The following CPEB3 variants were observed in gnomAD, a reference collection of about 807,000 sequenced individuals.
CPEB3 encodes the protein cytoplasmic polyadenylation element-binding protein 3.
A neutral mutation model predicts 67.2 loss-of-function variants in CPEB3; 20 were observed. That is an observed-to-expected ratio of 0.30 (90% confidence interval 0.21 to 0.43). CPEB3 has a LOEUF of 0.43. CPEB3 is among the 20% of genes least tolerant of loss of function. CPEB3 has a pLI of 1.00. For missense variants in CPEB3, 746 were observed against 968.6 expected (o/e 0.77, Z 3.05); for synonymous variants, 376 against 393.1 (o/e 0.96, Z 0.51).
chr10:92,181,521 A>G (rs1848462301), intron 3 of CPEB3, among the ~76,000 whole-genome samples: 1 of 152,178 alleles, frequency 6.6e-6, no homozygotes, highest in Admixed American at 6.5e-5. Context: ...TAAAAGAGAC[A>G]GAATGGGGGA....
At chr10:92,057,519 G>A (rs1842158047) in intron 9 of CPEB3, among the ~76,000 whole-genome samples, 1 of 152,222 alleles carries the variant, frequency 6.6e-6, no homozygotes, top group Non-Finnish European at 1.5e-5. Context: ...GAGGCTTGGG[G>A]AATCTCGCTG....
In CPEB3 at chr10:92,239,539, G is replaced by A; in HGVS notation, c.812C>T (p.Ala271Val). Residue 271 changes from alanine (A) to valine (V), a missense_variant, in exon 2 of 10, where the codon GCG (alanine) becomes GTG (valine). Transcript: ENST00000265997. This position sits in a 1 kb window ranked among gnomAD's most constrained non-coding sequence, Gnocchi z 6.0. ...GLQAGRDPRR[A>V]VGVGVGVGVG... ...ACCCACACCCACGCCCACACCGACC[G>A]CCCGGCGAGGGTCCCGGCCCGCCTG... 6.4e-7 allele frequency: 1 copy of A among 1,558,610 alleles called. No individual in the cohort carries two copies. The highest frequency in any genetic ancestry group is 1.2e-5 in the South Asian group (1 of 85,054).
Position 92,280,948 on chromosome 10 carries a change from C to G in CPEB3, c.-12+9978G>C, listed in dbSNP as rs368648999. ...CTAATTTTTGCATTATTAGTAGAGA[C>G]AGGGTTTCACCATGTTGGTCAGACT... is the stretch of plus-strand genomic sequence containing the variant. On this transcript the variant is annotated intron_variant, in intron 1 of 9. Transcript: ENST00000265997. Among the ~76,000 whole-genome samples, 42 of 150,824 alleles carry G rather than the reference C, an allele frequency of 2.8e-4. 3 individuals carry two copies. The East Asian group carries it at 4.2e-3, about 15-fold the overall frequency.
chr10:92,134,991 T>C (rs1247776396), intron 6 of CPEB3, among the ~76,000 whole-genome samples: 2 of 152,158 alleles, frequency 1.3e-5, no homozygotes, highest in African/African-American at 4.8e-5. Context: ...ATCCCTTCCT[T>C]ACAACTTATA....
At chr10:92,264,673 G>A (rs868108184) in intron 1 of CPEB3, among the ~76,000 whole-genome samples, 2 of 146,874 alleles carry the variant, frequency 1.4e-5, no homozygotes, top group Non-Finnish European at 1.5e-5. Flanking sequence ...CCGAGATCAC[G>A]CCACTGCACT....
At chr10:92,230,990 C>A (rs781102353) in intron 2 of CPEB3, among the ~76,000 whole-genome samples, 3 of 152,092 alleles carry the variant, frequency 2.0e-5, no homozygotes, top group Non-Finnish European at 2.9e-5. Context: ...ATCTCCAGAA[C>A]CAACAAAATC....
intron 4 of CPEB3, among the ~76,000 whole-genome samples, chr10:92,159,175 A>T (rs1847347974): frequency 6.6e-6 from 1 of 152,128 alleles, no homozygotes; most frequent in Admixed American, 6.6e-5. Context: ...AGACAGAAGA[A>T]TTGCTTCAAC....
At chr10:92,061,354 G>A (rs936207531) in intron 9 of CPEB3, among the ~76,000 whole-genome samples, 1 of 150,216 alleles carries the variant, frequency 6.7e-6, no homozygotes, top group African/African-American at 2.5e-5. Flanking sequence ...GGGAGGTGGA[G>A]GTTGCAGTGA....
At chr10:92,209,413 T>C (rs1849958443) in intron 2 of CPEB3, among the ~76,000 whole-genome samples, 1 of 152,010 alleles carries the variant, frequency 6.6e-6, no homozygotes, top group African/African-American at 2.4e-5. Context: ...TAATCCCACC[T>C]ACTTGGGAGG....
chr10:92,168,092 T>C (rs1847829920), intron 4 of CPEB3, among the ~76,000 whole-genome samples: 1 of 152,140 alleles, frequency 6.6e-6, no homozygotes, highest in African/African-American at 2.4e-5. Flanking sequence ...ACTTGGAATT[T>C]ATAAAAAACA....
At chr10:92,060,658 A>T (rs1259753918) in intron 9 of CPEB3, among the ~76,000 whole-genome samples, 1 of 152,108 alleles carries the variant, frequency 6.6e-6, no homozygotes, top group African/African-American at 2.4e-5. Flanking sequence ...AGCTCAAACA[A>T]CTCTATAGGA....
chr10:92,097,289 T>A (rs530191454), intron 7 of CPEB3, among the ~76,000 whole-genome samples: 1 of 152,220 alleles, frequency 6.6e-6, no homozygotes, highest in South Asian at 2.1e-4. Flanking sequence ...TAAATAAAAT[T>A]ATCTGCGGAC....
At chr10:92,207,791 AC>A (rs1849864472) in intron 2 of CPEB3, among the ~76,000 whole-genome samples, 1 of 152,024 alleles carries the variant, frequency 6.6e-6, no homozygotes, top group South Asian at 2.1e-4. Context: ...AATTGCTTGA[AC>A]CCAGGAGGCA....
At chr10:92,114,673 T>C (rs1459360140) in intron 6 of CPEB3, among the ~76,000 whole-genome samples, 1 of 152,232 alleles carries the variant, frequency 6.6e-6, no homozygotes, top group Non-Finnish European at 1.5e-5. Context: ...TTCTGCTTTA[T>C]ATTTAAGGAA....
chr10:92,099,579 C>T (rs928915528), intron 7 of CPEB3, among the ~76,000 whole-genome samples: 10 of 151,826 alleles, frequency 6.6e-5, no homozygotes, highest in South Asian at 2.1e-4. Flanking sequence ...TTTGGCCAGG[C>T]GTGGTGGCTC....
chr10:92,074,557 C>T (rs1229227179), intron 9 of CPEB3, among the ~76,000 whole-genome samples: 5 of 151,924 alleles, frequency 3.3e-5, no homozygotes, highest in African/African-American at 1.2e-4. Context: ...TCAGCTGAGA[C>T]CTGAAGGAAA....
intron 6 of CPEB3, among the ~76,000 whole-genome samples, chr10:92,112,126 C>CTTTTTT (rs201432910): frequency 1.8e-4 from 22 of 122,058 alleles, no homozygotes; most frequent in East Asian, 7.6e-4. Flanking sequence ...GACCACGTTC[C>CTTTTTT]TTTTTTTTTT....
intron 9 of CPEB3, among the ~76,000 whole-genome samples, chr10:92,073,444 AGGAG>A (rs1842828221): frequency 6.6e-6 from 1 of 151,936 alleles, no homozygotes; most frequent in Non-Finnish European, 1.5e-5. Flanking sequence ...ACCTAGGGTT[AGGAG>A]TTTGAGACCA....
chr10:92,122,776 C>CAGGGG (rs1304747691), intron 6 of CPEB3, among the ~76,000 whole-genome samples: 1 of 152,160 alleles, frequency 6.6e-6, no homozygotes, highest in African/African-American at 2.4e-5. Flanking sequence ...GGTGGTGGCA[C>CAGGGG]AGGGGCCAGA....
Sources: gnomAD v4.1 joint callset for allele counts (sites outside exome capture counted in the v4.1 genomes callset) on GRCh38, gnomAD v4.1.1 for gene constraint, Gnocchi (gnomAD v3.1) non-coding constraint, MANE v1.5 for transcripts, NCBI Gene and HGNC (gene_info 2026-07-23, HGNC 2026-07-21) for gene names.